Variants in SGCD observed in about 807,000 individuals in gnomAD.
The protein encoded by SGCD is delta-sarcoglycan.
SGCD carries 18 observed loss-of-function variants against 36.6 expected under a neutral mutation model. The observed-to-expected ratio is 0.49, with a 90% confidence interval of 0.34 to 0.73. The LOEUF is 0.73. SGCD is among the 30% of genes least tolerant of loss of function. The probability of loss-of-function intolerance (pLI) is 0.01; values close to 1 mark genes in which losing one functional copy is unlikely to be tolerated. For synonymous variants in SGCD, 133 were observed against 130.6 expected, an observed-to-expected ratio of 1.02 and a Z score of -0.12; for missense variants, 387 against 346.7, an observed-to-expected ratio of 1.12 and a Z score of -0.92.
intron 7 of SGCD, among the ~76,000 whole-genome samples, chr5:156,648,009 T>C (rs1763295734): frequency 6.6e-6 from 1 of 152,130 alleles, no homozygotes; most frequent in Non-Finnish European, 1.5e-5. Flanking sequence ...CTTCAAATAT[T>C]CATAAATGTG....
intron 3 of SGCD, among the ~76,000 whole-genome samples, chr5:156,380,423 G>T (rs1013678131): frequency 3.9e-5 from 6 of 152,168 alleles, no homozygotes; most frequent in Non-Finnish European, 8.8e-5. Context: ...GGTTGACTAG[G>T]CAGAATTTAC....
chr5:155,995,732 T>C (rs1758527731), intron 1 of SGCD, among the ~76,000 whole-genome samples: 1 of 152,030 alleles, frequency 6.6e-6, no homozygotes, highest in Non-Finnish European at 1.5e-5. Flanking sequence ...TATAAATGTA[T>C]TGAGTGAGAC....
intron 3 of SGCD, among the ~76,000 whole-genome samples, chr5:156,183,639 C>A (rs142829412): frequency 0.028 from 4,235 of 152,212 alleles, 170 homozygotes; most frequent in African/African-American, 0.085. Flanking sequence ...AACTCCTGGC[C>A]TCAAGTGATC....
At chr5:156,669,351 G>A (rs966418893) in intron 7 of SGCD, among the ~76,000 whole-genome samples, 1 of 152,056 alleles carries the variant, frequency 6.6e-6, no homozygotes, top group African/African-American at 2.4e-5. Context: ...GTCATCAGGA[G>A]GTCACATAAG....
chr5:156,183,413 T>C (rs2127628264), intron 3 of SGCD, among the ~76,000 whole-genome samples: 1 of 152,266 alleles, frequency 6.6e-6, no homozygotes, highest in Non-Finnish European at 1.5e-5. Flanking sequence ...TTATTACTAA[T>C]ATTATCTTTT....
intron 1 of SGCD, among the ~76,000 whole-genome samples, chr5:156,069,720 G>A (rs1021797377): frequency 6.7e-6 from 1 of 149,480 alleles, no homozygotes; most frequent in African/African-American, 2.6e-5. Context: ...TGGGCAGTAT[G>A]GCCATTTTCA....
chr5:156,071,589 GA>G (rs1212604585), intron 1 of SGCD, among the ~76,000 whole-genome samples: 2 of 152,130 alleles, frequency 1.3e-5, no homozygotes, highest in African/African-American at 4.8e-5. Flanking sequence ...GTGTGTTGCT[GA>G]AAAAAATGTA....
At chr5:155,867,625 A>G (rs1235806358), upstream of SGCD, among the ~76,000 whole-genome samples, 1 of 152,216 alleles carries the variant, frequency 6.6e-6, no homozygotes, top group Non-Finnish European at 1.5e-5. Flanking sequence ...AAGAAGAACC[A>G]GTGTAGGAGA....
At chr5:156,576,232 T>C (rs1759945907) in intron 4 of SGCD, among the ~76,000 whole-genome samples, 1 of 152,200 alleles carries the variant, frequency 6.6e-6, no homozygotes, top group Non-Finnish European at 1.5e-5. Flanking sequence ...GCTGCATCCA[T>C]GTCCCTGCAA....
chr5:156,017,183 A>G (rs1338638983), intron 1 of SGCD, among the ~76,000 whole-genome samples: 1 of 152,154 alleles, frequency 6.6e-6, no homozygotes, highest in East Asian at 1.9e-4. Flanking sequence ...ATCTTTGTAA[A>G]GTGTCTTGCC....
Position 156,756,845 on chromosome 5 carries a change from C to G in SGCD, c.576-736C>G, listed in dbSNP as rs111396827. Among the ~76,000 whole-genome samples, 324 of 152,308 alleles carry G rather than the reference C, an allele frequency of 2.1e-3. 6 individuals carry two copies. Among genetic ancestry groups the G allele is most frequent in the East Asian group, 3.9e-4 (2 of 5,186 alleles). On this transcript the variant is annotated intron_variant, in intron 7 of 8. Transcript: ENST00000337851. ...TTTGCAGTCAGACCACCTCCCCTCCCAGCCCCTGGCAACCACTGACCCTCT... is the reference window on the plus strand; with the variant it reads ...TTTGCAGTCAGACCACCTCCCCTCCGAGCCCCTGGCAACCACTGACCCTCT...
chr5:156,617,855 T>G (rs1034321250), intron 6 of SGCD, among the ~76,000 whole-genome samples: 1 of 141,880 alleles, frequency 7.0e-6, no homozygotes, highest in Non-Finnish European at 1.5e-5. Context: ...TTCCTGTGCT[T>G]TTCCTCACCC....
At chr5:156,381,922 G>C (rs1313241126) in intron 3 of SGCD, among the ~76,000 whole-genome samples, 1 of 152,190 alleles carries the variant, frequency 6.6e-6, no homozygotes, top group African/African-American at 2.4e-5. Context: ...ATGGGTGTTA[G>C]ATTGAATGAT....
intron 1 of SGCD, among the ~76,000 whole-genome samples, chr5:156,096,740 A>G (rs1171705926): frequency 6.6e-6 from 1 of 152,240 alleles, no homozygotes; most frequent in Non-Finnish European, 1.5e-5. Context: ...TTTATTTCTT[A>G]AGAAGCTAAA....
In SGCD at chr5:156,553,724, A is replaced by C. The variant is rs77922367; in HGVS notation, c.295-35507A>C. Among the ~76,000 whole-genome samples the C allele has an allele frequency of 4.4e-3, 668 of 152,278 alleles. 6 individuals are homozygous for C. The highest frequency in any genetic ancestry group is 0.015 in the African/African-American group (638 of 41,564). On this transcript the variant is annotated intron_variant, in intron 4 of 8. Coordinates refer to ENST00000337851, the MANE Select transcript of SGCD (RefSeq NM_000337.6). ...AATTACATAGTACATGACCTTCTGCATGTGACTTCTTTCCCTTAGCATAAG... is the reference window on the plus strand; with the variant it reads ...AATTACATAGTACATGACCTTCTGCCTGTGACTTCTTTCCCTTAGCATAAG...
chr5:155,838,161 G>C, the SGCD span, among the ~76,000 whole-genome samples: 26 of 152,098 alleles, frequency 1.7e-4, 1 homozygote, highest in Non-Finnish European at 1.5e-5. Context: ...AGCACTTTTA[G>C]TAAATGTGAC....
chr5:156,226,977 C>T (rs114526884), intron 3 of SGCD, among the ~76,000 whole-genome samples: 2,313 of 151,776 alleles, frequency 0.015, 25 homozygotes, highest in Non-Finnish European at 0.026. Context: ...TTTTTGAGAT[C>T]GTTGTAGATT....
intron 3 of SGCD, among the ~76,000 whole-genome samples, chr5:156,424,706 GCA>G (rs1362308411): frequency 6.6e-6 from 1 of 152,070 alleles, no homozygotes. Context: ...AGGGCACTCA[GCA>G]TATGGCTGTA....
At chr5:156,015,903 A>T (rs879685753) in intron 1 of SGCD, among the ~76,000 whole-genome samples, 20 of 123,510 alleles carry the variant, frequency 1.6e-4, no homozygotes, top group South Asian at 1.6e-3. Context: ...CATATATTTT[A>T]TATATATATA....
Sources: allele counts gnomAD v4.1 joint callset (sites outside exome capture counted in the v4.1 genomes callset), GRCh38; gene constraint gnomAD v4.1.1; transcripts MANE v1.5; gene names NCBI Gene and HGNC (gene_info 2026-07-23, HGNC 2026-07-21).